The following ADAMTS14 variants were observed in gnomAD, a reference collection of about 807,000 sequenced individuals.
The protein encoded by ADAMTS14 is A disintegrin and metalloproteinase with thrombospondin motifs 14.
A neutral mutation model predicts 128.6 loss-of-function variants in ADAMTS14; 100 were observed. That is an observed-to-expected ratio of 0.78 (90% CI 0.66 to 0.92). The LOEUF (loss-of-function observed/expected upper bound fraction) is 0.92. ADAMTS14 is among the 40% of genes least tolerant of loss of function. The pLI is 0.00. For synonymous variants in ADAMTS14, 665 were observed against 653.8 expected (o/e 1.02, Z -0.26); for missense variants, 1,562 against 1,658.6 (o/e 0.94, Z 1.01).
chr10:70,717,148 CACAG>C (rs1379003735), intron 4 of ADAMTS14, among the ~76,000 whole-genome samples: 6 of 152,176 alleles, frequency 3.9e-5, no homozygotes, highest in Non-Finnish European at 7.3e-5. Context: ...TGCCTTGTAT[CACAG>C]ACAGACTCCC....
intron 2 of ADAMTS14, among the ~76,000 whole-genome samples, chr10:70,690,193 C>A (rs1438770185): frequency 7.0e-6 from 1 of 143,488 alleles, no homozygotes; most frequent in Non-Finnish European, 1.6e-5. Context: ...GGGAGGGGGT[C>A]TGGAGAGGGG....
chr10:70,749,394 TC>T (rs1344562504), intron 15 of ADAMTS14, among the ~76,000 whole-genome samples: 1 of 152,176 alleles, frequency 6.6e-6, no homozygotes, highest in African/African-American at 2.4e-5. Flanking sequence ...TCACCATCAA[TC>T]CGACTCCAGA....
chr10:70,719,553 G>A (rs764652698), intron 4 of ADAMTS14, among the ~76,000 whole-genome samples: 2 of 151,552 alleles, frequency 1.3e-5, no homozygotes, highest in Non-Finnish European at 2.9e-5. Flanking sequence ...AGGCATGGCT[G>A]ACTGTGCCCA....
intron 2 of ADAMTS14, among the ~76,000 whole-genome samples, chr10:70,681,564 G>A (rs943665984): frequency 1.3e-5 from 2 of 152,230 alleles, no homozygotes; most frequent in African/African-American, 2.4e-5. Flanking sequence ...CTTCCAGCTC[G>A]ATGCTGGTGC....
Position 70,758,029 on chromosome 10 carries a change from T to C in ADAMTS14, c.3005T>C (p.Leu1002Pro), listed in dbSNP as rs1410621220. The C allele has an allele frequency of 1.2e-6, 2 of 1,613,656 alleles. No homozygotes were observed. Among genetic ancestry groups the C allele is most frequent in the Admixed American group, 3.3e-5 (2 of 60,004 alleles). Residue 1002 changes from leucine (L) to proline (P), a missense_variant, in exon 20 of 22, where the codon CTC (leucine) becomes CCC (proline). Coordinates refer to ENST00000373207, the MANE Select transcript of ADAMTS14 (RefSeq NM_080722.4). ...GTGTGCAGGACCAACGCCAACAGCC[T>C]CGGGCATTGCGAGGGGGATAGGCCA... is the stretch of plus-strand genomic sequence containing the variant. ...QVVCRTNANS[L>P]GHCEGDRPDT... is the part of the protein sequence containing the mutation.
chr10:70,701,163 T>A (rs28562573), intron 2 of ADAMTS14, among the ~76,000 whole-genome samples: 112 of 152,276 alleles, frequency 7.4e-4, no homozygotes, highest in African/African-American at 2.6e-3. Flanking sequence ...TAGTGATGGG[T>A]GTTCAGTCGG....
chr10:70,729,968 G>A (rs1841581202), intron 5 of ADAMTS14, 134 bp from the exon 6 acceptor site: 2 of 1,045,120 alleles, frequency 1.9e-6, no homozygotes, highest in African/African-American at 1.6e-5. Flanking sequence ...AGTGGGGACA[G>A]CTGGTGATCT....
chr10:70,757,049 G>A (rs1218485373), intron 19 of ADAMTS14, among the ~76,000 whole-genome samples: 1 of 152,108 alleles, frequency 6.6e-6, no homozygotes, highest in African/African-American at 2.4e-5. Flanking sequence ...ACATGCTCCA[G>A]TGTGGGAAGT....
chr10:70,726,859 G>C (rs1226428475), intron 4 of ADAMTS14, among the ~76,000 whole-genome samples: 1 of 152,208 alleles, frequency 6.6e-6, no homozygotes, highest in African/African-American at 2.4e-5. Flanking sequence ...ACGCATTGGA[G>C]CACTTTACTC....
chr10:70,682,536 C>T (rs564448910), intron 2 of ADAMTS14, among the ~76,000 whole-genome samples: 3 of 152,182 alleles, frequency 2.0e-5, no homozygotes, highest in East Asian at 3.9e-4. Context: ...CTGTGTGGTT[C>T]GGTTTTCTCA....
At chr10:70,740,487 G>T (rs1841961806) in intron 11 of ADAMTS14, among the ~76,000 whole-genome samples, 1 of 152,238 alleles carries the variant, frequency 6.6e-6, no homozygotes, top group African/African-American at 2.4e-5. Context: ...GGCCAAGGTT[G>T]CACTGTCAGG....
At chr10:70,732,151 C>A (rs1176241153) in intron 6 of ADAMTS14, 103 bp from the exon 7 acceptor site, 2 of 1,028,394 alleles carry the variant, frequency 1.9e-6, no homozygotes, top group African/African-American at 1.6e-5. Flanking sequence ...AACGTCCCCA[C>A]TCCAAGCACT....
At chr10:70,704,355 T>C (rs1217531424) in intron 3 of ADAMTS14, among the ~76,000 whole-genome samples, 1 of 151,926 alleles carries the variant, frequency 6.6e-6, no homozygotes, top group African/African-American at 2.4e-5. Context: ...CATCTACCCA[T>C]GCACTCTCCC....
chr10:70,726,514 C>T (rs1406982897), intron 4 of ADAMTS14, among the ~76,000 whole-genome samples: 3 of 152,310 alleles, frequency 2.0e-5, no homozygotes, highest in Admixed American at 6.5e-5. Context: ...CATGAGTATG[C>T]GTGGGACACA....
At chr10:70,709,237 G>A (rs987993149) in intron 4 of ADAMTS14, among the ~76,000 whole-genome samples, 1 of 152,140 alleles carries the variant, frequency 6.6e-6, no homozygotes. Flanking sequence ...TGTGAAGTGG[G>A]TCCTGAGACC....
rs1842625106 is a variant in ADAMTS14 at position 70,762,132 on chromosome 10, G to C, written c.*1279G>C. 1 of 149,876 alleles carries C rather than the reference G, an allele frequency of 6.7e-6. No homozygotes were observed. Among genetic ancestry groups the C allele is most frequent in the Non-Finnish European group, 1.5e-5 (1 of 67,086 alleles). The allele number at this position is 149,876 out of a possible 1,614,324, so 9.3% of individuals were successfully genotyped here. A position where few individuals can be genotyped will look rare whatever the true frequency, so the allele number is the denominator to read the frequency against. Reference sequence around the variant, plus strand: ...CCAGGACACCTCCGGGGTCTTGGAGGATGTCTCCTAAACTCCTGCCAGGTG... The same window carrying C: ...CCAGGACACCTCCGGGGTCTTGGAGCATGTCTCCTAAACTCCTGCCAGGTG... On this transcript the variant is annotated 3_prime_UTR_variant, in exon 22 of 22. Transcript: ENST00000373207.
chr10:70,739,068 G>T, intron 11 of ADAMTS14, 78 bp downstream of exon 11: 2 of 1,502,454 alleles, frequency 1.3e-6, no homozygotes, highest in African/African-American at 2.8e-5. Flanking sequence ...AAGGCACTGG[G>T]GAGACAGTGC....
chr10:70,720,793 G>C (rs1439314761), intron 4 of ADAMTS14, among the ~76,000 whole-genome samples: 5 of 152,176 alleles, frequency 3.3e-5, no homozygotes, highest in Non-Finnish European at 7.3e-5. Flanking sequence ...TAACACAGGT[G>C]TGTTTGTGTA....
chr10:70,753,628 G>A (rs975703820), intron 18 of ADAMTS14, among the ~76,000 whole-genome samples, 172 bp from the exon 19 acceptor site: 9 of 152,180 alleles, frequency 5.9e-5, no homozygotes, highest in African/African-American at 1.9e-4. Context: ...CCTTCCTGAG[G>A]TCACATACCC....
Sources: allele counts gnomAD v4.1 joint callset (sites outside exome capture counted in the v4.1 genomes callset), GRCh38; gene constraint gnomAD v4.1.1; transcripts MANE v1.5; gene names NCBI Gene and HGNC (gene_info 2026-07-23, HGNC 2026-07-21).